Variants in ATP2B4 observed in about 807,000 individuals in gnomAD.
The protein encoded by ATP2B4 is plasma membrane calcium-transporting ATPase 4.
Under a neutral mutation model 110.3 loss-of-function variants are expected in ATP2B4, and 39 were observed. The observed-to-expected ratio is 0.35, with a 90% CI of 0.27 to 0.46. The LOEUF (loss-of-function observed/expected upper bound fraction) is 0.46, where lower values mean the gene tolerates loss of function less well. Among genes scored for constraint, ATP2B4 ranks in the 20% least tolerant of loss-of-function variants. The pLI, the probability that ATP2B4 is intolerant of heterozygous loss-of-function variation, is 1.00. For missense variants in ATP2B4, 1,135 were observed against 1,530.9 expected, an observed-to-expected ratio of 0.74 and a Z score of 4.32; for synonymous variants, 538 against 571.7, an observed-to-expected ratio of 0.94 and a Z score of 0.84.
At chr1:203,632,442 C>T (rs1022585435) in intron 1 of ATP2B4, among the ~76,000 whole-genome samples, 1 of 151,426 alleles carries the variant, frequency 6.6e-6, no homozygotes, top group African/African-American at 2.4e-5. Context: ...CGCCCGGGTT[C>T]ACGCCATTCT....
chr1:203,730,205 A>G (rs754966783), intron 20 of ATP2B4, among the ~76,000 whole-genome samples: 1 of 150,740 alleles, frequency 6.6e-6, no homozygotes, highest in Non-Finnish European at 1.5e-5. Context: ...TGTTTTTACA[A>G]GGGATGTTAT....
intron 19 of ATP2B4, among the ~76,000 whole-genome samples, chr1:203,725,112 G>C (rs760773998): frequency 3.4e-5 from 5 of 148,596 alleles, no homozygotes; most frequent in Non-Finnish European, 7.4e-5. Flanking sequence ...TCCTGACCTC[G>C]TGATCTGCCT....
chr1:203,673,134 G>A (rs553302123), intron 1 of ATP2B4, among the ~76,000 whole-genome samples: 7 of 152,276 alleles, frequency 4.6e-5, no homozygotes, highest in South Asian at 2.1e-4. Context: ...TTGGAACCTC[G>A]CAACATTTTC....
chr1:203,711,024 G>A lies in ATP2B4; in HGVS notation c.1947G>A (p.Glu649=). The A allele has an allele frequency of 6.2e-7, 1 of 1,614,096 alleles. No homozygotes were observed. The highest frequency in any genetic ancestry group is 1.1e-5 in the South Asian group (1 of 91,072). The part of the protein sequence containing the change: ...CIAYRDFDDT[E]PSWDNENEIL... ...CTTACCGGGACTTCGATGACACAGA[G>A]CCCTCTTGGGACAATGAGAATGAGA... Residue 649 remains glutamate (E), a synonymous_variant, in exon 12 of 21, where the codon GAG becomes GAA. Coordinates refer to ENST00000357681, the MANE Select transcript of ATP2B4 (RefSeq NM_001684.5).
At chr1:203,688,769 C>T (rs1231468461) in intron 2 of ATP2B4, among the ~76,000 whole-genome samples, 1 of 151,678 alleles carries the variant, frequency 6.6e-6, no homozygotes, top group African/African-American at 2.4e-5. Flanking sequence ...GAGCATGAGC[C>T]AAAAAGAGAA....
chr1:203,721,403 C>T lies in ATP2B4; in HGVS notation c.2805C>T (p.Val935=), dbSNP rs781142530. 1 of 1,613,968 alleles carries T rather than the reference C, an allele frequency of 6.2e-7. No individual in the cohort carries two copies. The highest frequency in any genetic ancestry group is 8.5e-7 in the Non-Finnish European group (1 of 1,179,940). ...FYQLIVIFIL[V]FAGEKFFDID... ...AGCTCATTGTCATCTTTATCCTTGT[C>T]TTTGCGGGTGAGCCACTTTGGGGGT... The change falls in exon 17 of 21, where the codon GTC becomes GTT. Residue 935 remains valine, a synonymous_variant. Transcript: ENST00000357681.
Position 203,700,780 on chromosome 1 carries a change from T to C in ATP2B4, c.776-18T>C. Reference sequence around the variant, plus strand: ...ATTAAAAAACCCATTCCTTCCCATCTTCTCCTTTCCCGTGTAGGGACCCAT... The same window carrying C: ...ATTAAAAAACCCATTCCTTCCCATCCTCTCCTTTCCCGTGTAGGGACCCAT... On this transcript the variant is annotated intron_variant, in intron 5 of 20. Coordinates refer to ENST00000357681, the MANE Select transcript of ATP2B4 (RefSeq NM_001684.5). 6.2e-7 allele frequency: 1 copy of C among 1,612,142 alleles called. No individual in the cohort carries two copies. Among genetic ancestry groups the C allele is most frequent in the Non-Finnish European group, 8.5e-7 (1 of 1,179,026 alleles).
At chr1:203,697,876 T>C (rs1373638853) in intron 2 of ATP2B4, among the ~76,000 whole-genome samples, 1 of 152,192 alleles carries the variant, frequency 6.6e-6, no homozygotes, top group African/African-American at 2.4e-5. Flanking sequence ...GGCTAATTTT[T>C]GTCTTTTTTG....
chr1:203,729,718 G>A (rs769764364), intron 20 of ATP2B4: 14 of 1,349,906 alleles, frequency 1.0e-5, no homozygotes, highest in Non-Finnish European at 9.9e-7. Context: ...TTCCTGGGGA[G>A]CCCTGAGCAC....
intron 1 of ATP2B4, among the ~76,000 whole-genome samples, chr1:203,676,456 G>A (rs543072147): frequency 1.2e-4 from 18 of 152,126 alleles, no homozygotes; most frequent in Non-Finnish European, 1.6e-4. Flanking sequence ...TCACACCTCC[G>A]GAGAGAAGGG....
intron 20 of ATP2B4, among the ~76,000 whole-genome samples, chr1:203,732,309 C>A (rs1571778490): frequency 6.6e-6 from 1 of 152,278 alleles, no homozygotes. Flanking sequence ...CCTCTTCCTC[C>A]CCCTCCCTCA....
intron 1 of ATP2B4, among the ~76,000 whole-genome samples, chr1:203,652,144 CTTTT>C (rs112114077): frequency 7.9e-6 from 1 of 126,220 alleles, no homozygotes. Flanking sequence ...GCAACTTCTT[CTTTT>C]TTTTTTTTTT....
At chr1:203,712,209 T>A in intron 13 of ATP2B4, 70 bp downstream of exon 13, 42 of 1,526,228 alleles carry the variant, frequency 2.8e-5, no homozygotes, top group Non-Finnish European at 3.7e-5. Flanking sequence ...ATAAGGCATC[T>A]GGGTCATGTG....
At chr1:203,715,316 T>G (rs912831726) in intron 15 of ATP2B4, among the ~76,000 whole-genome samples, 1 of 142,372 alleles carries the variant, frequency 7.0e-6, no homozygotes, top group Non-Finnish European at 1.6e-5. Context: ...ATTTGATTAC[T>G]CTGAGGCGGG....
intron 2 of ATP2B4, among the ~76,000 whole-genome samples, chr1:203,692,643 C>T (rs1190461212): frequency 6.6e-6 from 1 of 152,184 alleles, no homozygotes. Flanking sequence ...ACTCAGACAG[C>T]TGGGAAGTCC....
intron 1 of ATP2B4, among the ~76,000 whole-genome samples, chr1:203,633,955 C>G (rs995777680): frequency 3.3e-5 from 5 of 152,044 alleles, no homozygotes; most frequent in Admixed American, 3.3e-4. Flanking sequence ...GAGGCTGAGG[C>G]AGGAGAATCG....
At chr1:203,729,734 C>G (rs774896033) in intron 20 of ATP2B4, 1 of 1,351,766 alleles carries the variant, frequency 7.4e-7, no homozygotes, top group Non-Finnish European at 9.9e-7. Flanking sequence ...AGCACTTCTC[C>G]GTGTTGCTGG....
At chr1:203,658,368 TAAA>T (rs530207721) in intron 1 of ATP2B4, among the ~76,000 whole-genome samples, 2 of 117,258 alleles carry the variant, frequency 1.7e-5, no homozygotes, top group Non-Finnish European at 1.9e-5. Flanking sequence ...TAATAAAAAT[TAAA>T]AAAAAAAAAA....
intron 14 of ATP2B4, among the ~76,000 whole-genome samples, chr1:203,713,883 T>C (rs924931837): frequency 6.6e-6 from 1 of 152,198 alleles, no homozygotes; most frequent in Non-Finnish European, 1.5e-5. Flanking sequence ...GACAAGTAAC[T>C]TACCCAAATT....
Sources: allele counts gnomAD v4.1 joint callset (sites outside exome capture counted in the v4.1 genomes callset), GRCh38; gene constraint gnomAD v4.1.1; transcripts MANE v1.5; gene names NCBI Gene and HGNC (gene_info 2026-07-23, HGNC 2026-07-21).